EYA1: variants seen among roughly 807,000 people sequenced by gnomAD.
The protein encoded by EYA1 is protein phosphatase EYA1.
EYA1 carries 16 observed loss-of-function variants against 82.0 expected under a neutral mutation model. The observed-to-expected ratio is 0.20, with a 90% CI of 0.13 to 0.30. The LOEUF is 0.30. Ranked by LOEUF, EYA1 falls within the 10% of genes least tolerant of loss-of-function variation. The pLI is 1.00. For synonymous variants in EYA1, 261 were observed against 264.4 expected, an observed-to-expected ratio of 0.99 and a Z score of 0.12; for missense variants, 633 against 730.7, an observed-to-expected ratio of 0.87 and a Z score of 1.54.
At chr8:71,466,187 T>C (rs1283247591) in intron 2 of EYA1, among the ~76,000 whole-genome samples, 1 of 152,138 alleles carries the variant, frequency 6.6e-6, no homozygotes, top group Non-Finnish European at 1.5e-5. Context: ...TATGACTAAA[T>C]ATAACCACAG....
At chr8:71,485,322 T>C (rs748466180) in intron 2 of EYA1, among the ~76,000 whole-genome samples, 8 of 152,216 alleles carry the variant, frequency 5.3e-5, no homozygotes, top group Non-Finnish European at 1.2e-4. Context: ...TTTTCTTTCA[T>C]ATTTTGAGAC....
intron 10 of EYA1, among the ~76,000 whole-genome samples, chr8:71,271,456 C>T (rs1816521160): frequency 6.6e-6 from 1 of 152,086 alleles, no homozygotes; most frequent in African/African-American, 2.4e-5. Flanking sequence ...ATTAAAATGG[C>T]AATGATACAG....
chr8:71,371,267 T>C (rs911040242), intron 2 of EYA1, among the ~76,000 whole-genome samples: 11 of 152,206 alleles, frequency 7.2e-5, no homozygotes, highest in Non-Finnish European at 1.2e-4. Context: ...TGCACCATTT[T>C]GATAACAGGC....
At chr8:71,333,342 C>T (rs752063891) in intron 4 of EYA1, among the ~76,000 whole-genome samples, 21 of 152,010 alleles carry the variant, frequency 1.4e-4, no homozygotes, top group Admixed American at 3.3e-4. Context: ...GTAAATCAAT[C>T]ACAACTTTAT....
intron 2 of EYA1, among the ~76,000 whole-genome samples, chr8:71,430,737 A>G (rs1187993737): frequency 6.6e-6 from 1 of 152,176 alleles, no homozygotes; most frequent in Non-Finnish European, 1.5e-5. Context: ...TTCCCCAAGT[A>G]GCCAGAAATG....
intron 2 of EYA1, among the ~76,000 whole-genome samples, chr8:71,517,753 A>G (rs58888646): frequency 0.091 from 13,585 of 148,734 alleles, 1,423 homozygotes; most frequent in East Asian, 0.49. Context: ...ATAACTGTAT[A>G]TTCTAAATAA....
chr8:71,404,083 T>C (rs1033728014), intron 2 of EYA1: 10 of 152,346 alleles, frequency 6.6e-5, no homozygotes, highest in Admixed American at 3.3e-4. Flanking sequence ...CGAAGTCAGA[T>C]TGAAAATGGC....
intron 17 of EYA1, among the ~76,000 whole-genome samples, chr8:71,206,867 G>A (rs939834539): frequency 9.2e-5 from 14 of 151,956 alleles, no homozygotes; most frequent in Admixed American, 3.9e-4. Context: ...GTGATCCTCC[G>A]ACTTCAGCCT....
chr8:71,384,836 T>G (rs1293358581), intron 2 of EYA1, among the ~76,000 whole-genome samples: 1 of 152,142 alleles, frequency 6.6e-6, no homozygotes, highest in Non-Finnish European at 1.5e-5. Context: ...GAATCCAAGT[T>G]TTTAGTATTA....
intron 2 of EYA1, among the ~76,000 whole-genome samples, chr8:71,406,527 C>T (rs565790869): frequency 2.3e-4 from 35 of 152,062 alleles, no homozygotes; most frequent in Admixed American, 2.6e-4. Context: ...GCACCGTGTG[C>T]GAGCCGAAGC....
At chr8:71,343,937 T>C (rs970889667) in intron 3 of EYA1, among the ~76,000 whole-genome samples, 1 of 152,206 alleles carries the variant, frequency 6.6e-6, no homozygotes, top group African/African-American at 2.4e-5. Context: ...TTGGAAGAAT[T>C]ACACAGTGAA....
At chr8:71,463,625 C>T (rs1265027485) in intron 2 of EYA1, among the ~76,000 whole-genome samples, 2 of 109,960 alleles carry the variant, frequency 1.8e-5, no homozygotes, top group Admixed American at 1.1e-4. Context: ...CTCTCTCTCT[C>T]TCTCTCTCCC....
At chr8:71,245,218 T>C (rs1812934408) in intron 11 of EYA1, among the ~76,000 whole-genome samples, 1 of 152,072 alleles carries the variant, frequency 6.6e-6, no homozygotes, top group South Asian at 2.1e-4. Context: ...TATAACACTA[T>C]GTTTTAAGTG....
At chr8:71,317,472 AC>A (rs1354714389) in intron 7 of EYA1, 79 bp downstream of exon 7, 1 of 1,439,932 alleles carries the variant, frequency 6.9e-7, no homozygotes, top group Non-Finnish European at 9.8e-7. Context: ...TTTACTATTT[AC>A]ATGGAACATC....
chr8:71,356,032 A>G (rs1826838351), intron 2 of EYA1, among the ~76,000 whole-genome samples: 1 of 152,182 alleles, frequency 6.6e-6, no homozygotes, highest in Admixed American at 6.5e-5. Context: ...TTTGCTCCTC[A>G]CCCTATCAGG....
chr8:71,499,974 T>C (rs1586837458), intron 2 of EYA1, among the ~76,000 whole-genome samples: 1 of 152,246 alleles, frequency 6.6e-6, no homozygotes, highest in East Asian at 1.9e-4. Context: ...AAGTGGAGAA[T>C]TATTTTAAAA....
At chr8:71,440,379 C>T (rs888440189) in intron 2 of EYA1, among the ~76,000 whole-genome samples, 12 of 152,076 alleles carry the variant, frequency 7.9e-5, no homozygotes, top group African/African-American at 2.4e-4. Context: ...GCTCTTTGAA[C>T]GACATGGGCA....
At chr8:71,408,916 A>G (rs1430618184) in intron 2 of EYA1, among the ~76,000 whole-genome samples, 1 of 110,224 alleles carries the variant, frequency 9.1e-6, no homozygotes, top group Non-Finnish European at 1.8e-5. Context: ...TCAACAGAAT[A>G]TACATTTTTT....
At chr8:71,481,470 T>C (rs906274583) in intron 2 of EYA1, among the ~76,000 whole-genome samples, 1 of 152,190 alleles carries the variant, frequency 6.6e-6, no homozygotes, top group Non-Finnish European at 1.5e-5. Context: ...TTTTTTGATA[T>C]TTTTTCAAGA....
Sources: gnomAD v4.1 joint callset for allele counts (sites outside exome capture counted in the v4.1 genomes callset) on GRCh38, gnomAD v4.1.1 for gene constraint, MANE v1.5 for transcripts, NCBI Gene and HGNC (gene_info 2026-07-23, HGNC 2026-07-21) for gene names.